RIPOR2: variants seen among roughly 807,000 people sequenced by gnomAD.
RIPOR2 encodes RHO family interacting cell polarization regulator 2.
In RIPOR2, 39 loss-of-function variants were observed where a neutral mutation model predicts 114.5. The observed-to-expected ratio is 0.34, with a 90% CI of 0.26 to 0.44. The LOEUF is 0.44. RIPOR2 is among the 20% of genes least tolerant of loss of function. The pLI, the probability that RIPOR2 is intolerant of heterozygous loss-of-function variation, is 1.00. For missense variants in RIPOR2, 1,007 were observed against 1,255.1 expected (o/e 0.80, Z 2.99); for synonymous variants, 445 against 484.4 (o/e 0.92, Z 1.07).
chr6:24,951,541 A>G (rs1772763237), intron 1 of RIPOR2, among the ~76,000 whole-genome samples: 1 of 152,166 alleles, frequency 6.6e-6, no homozygotes, highest in African/African-American at 2.4e-5. Flanking sequence ...ATAACAATAA[A>G]TGTTTCTCCA....
At chr6:24,976,339 T>A (rs1299357739) in intron 1 of RIPOR2, 1 of 948,104 alleles carries the variant, frequency 1.1e-6, no homozygotes, top group African/African-American at 1.7e-5. Flanking sequence ...ATGACTAAAT[T>A]ATTCTAGAAA....
intron 1 of RIPOR2, among the ~76,000 whole-genome samples, chr6:25,029,183 G>C (rs909421927): frequency 1.3e-5 from 2 of 152,096 alleles, no homozygotes; most frequent in African/African-American, 4.8e-5. Flanking sequence ...AAGTACTCGG[G>C]AGGCTGAGGC....
intron 1 of RIPOR2, among the ~76,000 whole-genome samples, chr6:24,919,332 A>G (rs1561774403): frequency 6.6e-6 from 1 of 152,246 alleles, no homozygotes; most frequent in Non-Finnish European, 1.5e-5. Flanking sequence ...TCGCTGTCAC[A>G]TTCAAAATAG....
intron 1 of RIPOR2, among the ~76,000 whole-genome samples, chr6:24,999,134 C>CCTGTAACAGAATAAAAATGCCTGTAA (rs1194329633): frequency 3.3e-5 from 5 of 152,098 alleles, no homozygotes; most frequent in Non-Finnish European, 1.5e-5. Context: ...AATAAAAATT[C>CCTGTAACAGAATAAAAATGCCTGTAA]CAGGCAGCAG....
rs1777293428 is a variant in RIPOR2, at chr6:25,037,315, A to C, written c.76+4536T>G. On this transcript the variant is annotated intron_variant, in intron 1 of 13. Coordinates refer to the RIPOR2 transcript ENST00000510784. The surrounding 1 kb of genome is among the most constrained non-coding windows in gnomAD (Gnocchi z 4.5). ...TTCTTTCCTTTAATCGCCCACCCCA[A>C]CTGTGGCAGACTAAAGGAAAGAAAG... Among the ~76,000 whole-genome samples the C allele has an allele frequency of 6.6e-6, 1 of 152,146 alleles. No homozygotes were observed. Among genetic ancestry groups the C allele is most frequent in the Admixed American group, 6.5e-5 (1 of 15,280 alleles).
intron 1 of RIPOR2, among the ~76,000 whole-genome samples, chr6:24,997,112 C>A (rs922577030): frequency 6.6e-6 from 1 of 152,198 alleles, no homozygotes; most frequent in African/African-American, 2.4e-5. Context: ...TTGGGCTCAC[C>A]TGCAGAGCTT....
chr6:24,865,869 AC>A (rs1355021993), intron 6 of RIPOR2, among the ~76,000 whole-genome samples: 1 of 152,154 alleles, frequency 6.6e-6, no homozygotes, highest in Non-Finnish European at 1.5e-5. Flanking sequence ...TAAGACTGTA[AC>A]TATTAAATAA....
intron 2 of RIPOR2, 26 bp from the exon 3 acceptor site, chr6:24,873,825 G>C: frequency 6.3e-7 from 1 of 1,579,994 alleles, no homozygotes; most frequent in South Asian, 1.2e-5. Context: ...AAGAAATTGT[G>C]AGGATTGGGC....
In RIPOR2 at chr6:25,037,051, T is replaced by G. The variant is rs1292137057; in HGVS notation, c.76+4800A>C. The stretch of plus-strand genomic sequence containing the variant: ...TGCCACTATTACCATTTTTAGGCCC[T>G]CAGCTCCCAATAGCTACATTGCCAG... On this transcript the variant is annotated intron_variant, in intron 1 of 13. Transcript: ENST00000510784. This position sits in a 1 kb window ranked among gnomAD's most constrained non-coding sequence, Gnocchi z 4.5. Among the ~76,000 whole-genome samples, 1 of 152,222 alleles carries G rather than the reference T, an allele frequency of 6.6e-6. No homozygotes were observed. Among genetic ancestry groups the G allele is most frequent in the Non-Finnish European group, 1.5e-5 (1 of 68,032 alleles).
intron 1 of RIPOR2, among the ~76,000 whole-genome samples, chr6:24,963,772 C>T (rs1773406418): frequency 6.7e-6 from 1 of 149,462 alleles, no homozygotes; most frequent in Non-Finnish European, 1.5e-5. Flanking sequence ...ATTTGTCCTC[C>T]TTGGCATTCG....
At chr6:25,035,444 A>C (rs1343800031) in intron 1 of RIPOR2, among the ~76,000 whole-genome samples, 1 of 152,204 alleles carries the variant, frequency 6.6e-6, no homozygotes, top group Non-Finnish European at 1.5e-5. Context: ...AAATCGCAGC[A>C]CAAGGGATTT....
intron 1 of RIPOR2, among the ~76,000 whole-genome samples, chr6:25,002,891 T>C (rs1775382633): frequency 6.6e-6 from 1 of 152,192 alleles, no homozygotes; most frequent in South Asian, 2.1e-4. Flanking sequence ...GTGTGGTTCG[T>C]CCGAAGTTGC....
intron 1 of RIPOR2, among the ~76,000 whole-genome samples, chr6:24,969,200 T>C (rs1773664481): frequency 6.6e-6 from 1 of 152,188 alleles, no homozygotes; most frequent in South Asian, 2.1e-4. Context: ...TTGTATGTGC[T>C]CTGGGGTGAT....
chr6:25,011,196 T>A (rs1051216263), intron 1 of RIPOR2, among the ~76,000 whole-genome samples: 5 of 152,134 alleles, frequency 3.3e-5, no homozygotes, highest in African/African-American at 1.2e-4. Context: ...TGGTTACATG[T>A]TTTAATATTT....
chr6:24,920,221 A>G lies in RIPOR2; in HGVS notation c.61+15617T>C, dbSNP rs1770376881. On this transcript the variant is annotated intron_variant, in intron 1 of 21. Coordinates refer to ENST00000643898, the MANE Select transcript of RIPOR2 (RefSeq NM_001286445.3). ...TGCTTGCCAGCCTTCTGTTAGGAAC[A>G]TAGACCAAACACCTCTTTAGGTCTC... Among the ~76,000 whole-genome samples the G allele has an allele frequency of 2.6e-5, 4 of 152,244 alleles. No individual in the cohort carries two copies. In the South Asian group the frequency reaches 8.3e-4, roughly 31 times the overall value.
intron 1 of RIPOR2, among the ~76,000 whole-genome samples, chr6:24,997,723 T>C (rs936707325): frequency 2.0e-5 from 3 of 152,176 alleles, no homozygotes; most frequent in Admixed American, 2.0e-4. Flanking sequence ...ACCATTGATA[T>C]AGAGCTCAGT....
At position 24,825,110 on chromosome 6, in the gene RIPOR2, CATT is replaced by C. The variant is rs145071951; in HGVS notation, c.2868+113_2868+115del. ...AGTTTTGATTGCTTTATGGAGCACA[CATT>C]ATTAATACGCAGAAAAATTATTTTT... On this transcript the variant is annotated intron_variant, in intron 19 of 21. Coordinates refer to ENST00000643898, the MANE Select transcript of RIPOR2 (RefSeq NM_001286445.3). 2.3e-3 allele frequency: 1,777 copies of C among 764,280 alleles called. 21 individuals are homozygous for C. The African/African-American group carries it at 0.026, about 11-fold the overall frequency. 47.3% of individuals were successfully genotyped at this position (764,280 alleles called of 1,614,324 possible). A position where few individuals can be genotyped will look rare whatever the true frequency, so the allele number is the denominator to read the frequency against.
chr6:25,016,494 AAGC>A (rs919465636), intron 1 of RIPOR2, among the ~76,000 whole-genome samples: 1 of 152,204 alleles, frequency 6.6e-6, no homozygotes, highest in African/African-American at 2.4e-5. Context: ...TACTGCACTT[AAGC>A]ATTCCACAGC....
chr6:24,875,082 A>G (rs1013759942), intron 2 of RIPOR2, among the ~76,000 whole-genome samples: 11 of 152,184 alleles, frequency 7.2e-5, no homozygotes, highest in African/African-American at 2.7e-4. Flanking sequence ...TATTCGTTAT[A>G]CTCTCTGCCA....
Sources: allele counts gnomAD v4.1 joint callset (sites outside exome capture counted in the v4.1 genomes callset), GRCh38; gene constraint gnomAD v4.1.1; non-coding constraint Gnocchi (gnomAD v3.1); transcripts MANE v1.5; gene names NCBI Gene and HGNC (gene_info 2026-07-23, HGNC 2026-07-21).